The following TNFRSF19 variants were observed in gnomAD, a reference collection of about 807,000 sequenced individuals.
TNFRSF19 encodes the protein tumor necrosis factor receptor superfamily member 19.
A neutral mutation model predicts 46.4 loss-of-function variants in TNFRSF19; 27 were observed. The observed-to-expected ratio is 0.58, with a 90% CI of 0.43 to 0.80. The LOEUF (loss-of-function observed/expected upper bound fraction) is 0.80. Among genes scored for constraint, TNFRSF19 ranks in the 30% least tolerant of loss-of-function variants. TNFRSF19 has a pLI of 0.00. For missense variants in TNFRSF19, 511 were observed against 530.8 expected (o/e 0.96, Z 0.37); for synonymous variants, 204 against 205.0 (o/e 1.00, Z 0.04).
Position 23,673,508 on chromosome 13 carries a change from G to C in TNFRSF19, c.*128G>C. On this transcript the variant is annotated 3_prime_UTR_variant, in exon 10 of 10. Coordinates refer to ENST00000248484, the MANE Select transcript of TNFRSF19 (RefSeq NM_148957.4). ...GGCAAAAATAAATCTGAACCAAACT[G>C]ACGGCATTTGAAGCCTTTCAGCCAG... 1 of 1,360,880 alleles carries C rather than the reference G, an allele frequency of 7.3e-7. No individual in the cohort carries two copies. The highest frequency in any genetic ancestry group is 2.2e-5 in the South Asian group (1 of 45,862). The allele number at this position is 1,360,880 out of a possible 1,614,324, so 84.3% of individuals were successfully genotyped here.
intron 1 of TNFRSF19, among the ~76,000 whole-genome samples, chr13:23,587,155 G>A (rs969448957): frequency 1.3e-5 from 2 of 151,708 alleles, no homozygotes; most frequent in African/African-American, 4.8e-5. Flanking sequence ...TCTATCTTTG[G>A]GCCAGACCTT....
intron 4 of TNFRSF19, 76 bp downstream of exon 4, chr13:23,616,121 C>G (rs1881270194): frequency 1.3e-5 from 19 of 1,446,752 alleles, no homozygotes; most frequent in Non-Finnish European, 1.8e-5. Context: ...TTGTTCCATT[C>G]TAAACTGGAA....
intron 1 of TNFRSF19, among the ~76,000 whole-genome samples, chr13:23,576,313 T>C (rs1877955623): frequency 6.6e-6 from 1 of 152,086 alleles, no homozygotes; most frequent in Non-Finnish European, 1.5e-5. Context: ...TTTGTATTTT[T>C]ACAGAGACGA....
intron 5 of TNFRSF19, among the ~76,000 whole-genome samples, chr13:23,631,017 T>G (rs552470043): frequency 6.6e-6 from 1 of 152,246 alleles, no homozygotes; most frequent in Non-Finnish European, 1.5e-5. Flanking sequence ...CCTGCAACTC[T>G]TAGGAATTGT....
In TNFRSF19 at chr13:23,659,320, A is replaced by T; in HGVS notation, c.610+106A>T. 3.9e-6 allele frequency: 5 copies of T among 1,265,860 alleles called. No individual in the cohort carries two copies. The highest frequency in any genetic ancestry group is 5.5e-6 in the Non-Finnish European group (5 of 917,362). The allele number at this position is 1,265,860 out of a possible 1,614,324, so 78.4% of individuals were successfully genotyped here. A position where few individuals can be genotyped will look rare whatever the true frequency, so the allele number is the denominator to read the frequency against. On this transcript the variant is annotated intron_variant, in intron 6 of 9. Coordinates refer to ENST00000248484, the MANE Select transcript of TNFRSF19 (RefSeq NM_148957.4). This position sits in a 1 kb window ranked among gnomAD's most constrained non-coding sequence, Gnocchi z 4.9. Reference sequence around the variant, plus strand: ...GACTTGGCTGAGACAAGCACCAGTGAGTTGTGAAAGAACGCAGGGCACAAG... The same window carrying T: ...GACTTGGCTGAGACAAGCACCAGTGTGTTGTGAAAGAACGCAGGGCACAAG...
At chr13:23,627,204 C>T (rs560906839) in intron 5 of TNFRSF19, among the ~76,000 whole-genome samples, 1 of 152,236 alleles carries the variant, frequency 6.6e-6, no homozygotes, top group African/African-American at 2.4e-5. Flanking sequence ...CTCTGCCTTC[C>T]CAGAGAAGTT....
chr13:23,586,083 C>T (rs1240367876), intron 1 of TNFRSF19, among the ~76,000 whole-genome samples: 1 of 151,644 alleles, frequency 6.6e-6, no homozygotes, highest in East Asian at 1.9e-4. Flanking sequence ...ACGGCGAAAC[C>T]CCGTCTCTAC....
Position 23,659,234 on chromosome 13 carries a change from C to T in TNFRSF19, c.610+20C>T. On this transcript the variant is annotated intron_variant, in intron 6 of 9. Coordinates refer to ENST00000248484, the MANE Select transcript of TNFRSF19 (RefSeq NM_148957.4). The surrounding 1 kb of genome is among the most constrained non-coding windows in gnomAD (Gnocchi z 4.9). Reference sequence around the variant, plus strand: ...CCAGCTGTAAGTTTTGAGCTCATTACATTTCTTAGCATTTAGGGGAAGGGC... The same window carrying T: ...CCAGCTGTAAGTTTTGAGCTCATTATATTTCTTAGCATTTAGGGGAAGGGC... The T allele has an allele frequency of 6.3e-7, 1 of 1,589,556 alleles. No individual in the cohort carries two copies. The highest frequency in any genetic ancestry group is 8.6e-7 in the Non-Finnish European group (1 of 1,164,094).
At chr13:23,585,996 C>T (rs774148546) in intron 1 of TNFRSF19, among the ~76,000 whole-genome samples, 2 of 152,200 alleles carry the variant, frequency 1.3e-5, no homozygotes, top group Non-Finnish European at 2.9e-5. Context: ...TGTAGCCGGG[C>T]GCGGTGGCTC....
At chr13:23,640,398 G>A (rs117252091) in intron 5 of TNFRSF19, among the ~76,000 whole-genome samples, 1,794 of 152,248 alleles carry the variant, frequency 0.012, 27 homozygotes, top group Middle Eastern at 0.044. Flanking sequence ...CCAGCTTATC[G>A]CCAAGTAAGT....
At position 23,675,205 on chromosome 13, in the gene TNFRSF19, T is replaced by TA. The variant is rs1212009678; in HGVS notation, c.*1825_*1826insA. 6.6e-6 allele frequency: 1 copy of TA among 152,234 alleles called. No individual in the cohort carries two copies. Among genetic ancestry groups the TA allele is most frequent in the Non-Finnish European group, 1.5e-5 (1 of 68,034 alleles). 9.4% of individuals were successfully genotyped at this position (152,234 alleles called of 1,614,324 possible). A position where few individuals can be genotyped will look rare whatever the true frequency, so the allele number is the denominator to read the frequency against. On this transcript the variant is annotated 3_prime_UTR_variant, in exon 10 of 10. Transcript: ENST00000248484. ...TGAAAATGCAAGTAGTTTCCTCGCG[T>TA]GACCTCACCATGATTCACATACGTG... is the stretch of plus-strand genomic sequence containing the variant.
chr13:23,673,120 G>A (rs149358379), intron 9 of TNFRSF19, among the ~76,000 whole-genome samples: 2 of 152,210 alleles, frequency 1.3e-5, no homozygotes, highest in East Asian at 3.9e-4. Flanking sequence ...TATGGGTTAC[G>A]GTATCATCTT....
intron 7 of TNFRSF19, among the ~76,000 whole-genome samples, chr13:23,663,760 T>G (rs1006113457): frequency 6.6e-6 from 1 of 152,158 alleles, no homozygotes; most frequent in Admixed American, 6.5e-5. Context: ...GTCCAGAAAT[T>G]TATCTGTCTC....
chr13:23,570,632 T>C lies in TNFRSF19; in HGVS notation c.-251T>C, dbSNP rs984930717. ...GTGAACTTTCTTTGATATCCATGCA[T>C]ATATATAAACTCAGCCCTGCCTTTG... On this transcript the variant is annotated 5_prime_UTR_variant, in exon 1 of 10. Transcript: ENST00000248484. 1.3e-5 allele frequency: 2 copies of C among 152,226 alleles called. No individual in the cohort carries two copies. The highest frequency in any genetic ancestry group is 4.8e-5 in the African/African-American group (2 of 41,452). 9.4% of individuals were successfully genotyped at this position (152,226 alleles called of 1,614,324 possible). A position where few individuals can be genotyped will look rare whatever the true frequency, so the allele number is the denominator to read the frequency against.
chr13:23,626,313 A>G (rs555911578), intron 4 of TNFRSF19, among the ~76,000 whole-genome samples: 4 of 151,920 alleles, frequency 2.6e-5, no homozygotes. Flanking sequence ...GTATTTCCCT[A>G]CATTTTTCCG....
At chr13:23,641,820 A>C (rs1883048427) in intron 5 of TNFRSF19, among the ~76,000 whole-genome samples, 1 of 152,234 alleles carries the variant, frequency 6.6e-6, no homozygotes, top group African/African-American at 2.4e-5. Flanking sequence ...ATCCAGATAA[A>C]TTTGTTGCAG....
In TNFRSF19 at chr13:23,616,585, GT is replaced by G. The variant is rs1566187582; in HGVS notation, c.359+544del. ...TTTTGTTTGTTTGTTTGTTTGTTTT[GT>G]TTTGTTCTGTTTTGAGATGGAATTT... On this transcript the variant is annotated intron_variant, in intron 4 of 9. Transcript: ENST00000248484. Among the ~76,000 whole-genome samples the G allele has an allele frequency of 3.4e-5, 5 of 148,070 alleles. No homozygotes were observed. In the South Asian group the frequency reaches 8.8e-4, roughly 26 times the overall value.
chr13:23,609,540 G>T (rs1880752394), intron 3 of TNFRSF19, among the ~76,000 whole-genome samples: 1 of 152,280 alleles, frequency 6.6e-6, no homozygotes, highest in African/African-American at 2.4e-5. Context: ...TCGCCTCGCA[G>T]CAGTAAATCA....
chr13:23,577,484 G>C (rs903037535), intron 1 of TNFRSF19, among the ~76,000 whole-genome samples: 1 of 152,188 alleles, frequency 6.6e-6, no homozygotes, highest in African/African-American at 2.4e-5. Context: ...CCCCTTCTCT[G>C]AAAGTGTTTT....
Sources: allele counts gnomAD v4.1 joint callset (sites outside exome capture counted in the v4.1 genomes callset), GRCh38; gene constraint gnomAD v4.1.1; non-coding constraint Gnocchi (gnomAD v3.1); transcripts MANE v1.5; gene names NCBI Gene and HGNC (gene_info 2026-07-23, HGNC 2026-07-21).